Variants in PODN observed in about 807,000 individuals in gnomAD.
PODN encodes the protein podocan proteoglycan.
In PODN, 40 loss-of-function variants were observed where a neutral mutation model predicts 52.7. The ratio of observed to expected loss-of-function variants is 0.76; its 90% CI spans 0.59 to 0.99. The LOEUF (loss-of-function observed/expected upper bound fraction) is 0.99, where lower values mean the gene tolerates loss of function less well. Ranked by LOEUF, PODN falls within the 50% of genes least tolerant of loss-of-function variation. PODN has a pLI of 0.00. For missense variants in PODN, 720 were observed against 815.1 expected (o/e 0.88, Z 1.42); for synonymous variants, 396 against 377.9 (o/e 1.05, Z -0.56).
At chr1:53,079,242 G>T (rs575584995) in intron 8 of PODN, among the ~76,000 whole-genome samples, 1 of 152,252 alleles carries the variant, frequency 6.6e-6, no homozygotes, top group Non-Finnish European at 1.5e-5. Flanking sequence ...CAGGCAGAGG[G>T]TGTGGCTGGC....
chr1:53,075,566 T>G (rs546341560), intron 4 of PODN, among the ~76,000 whole-genome samples: 1 of 152,280 alleles, frequency 6.6e-6, no homozygotes, highest in East Asian at 1.9e-4. Flanking sequence ...TTGGCTAAGA[T>G]CAGGTGTAAA....
intron 10 of PODN, among the ~76,000 whole-genome samples, chr1:53,084,157 G>A (rs1644330746): frequency 6.6e-6 from 1 of 152,000 alleles, no homozygotes; most frequent in Admixed American, 6.5e-5. Context: ...CTGGTTCTCT[G>A]AGGTGTTGTC....
rs779910991 is a variant in PODN at position 53,077,251 on chromosome 1, G to A, written c.643G>A (p.Gly215Ser). ...DAGLPDNMFN[G>S]SSNVEVLILS... ...CGGGCTGCCGGACAACATGTTCAACGGCTCCAGCAACGTCGAGGTCCTCAT... is the reference window on the plus strand; with the variant it reads ...CGGGCTGCCGGACAACATGTTCAACAGCTCCAGCAACGTCGAGGTCCTCAT... Residue 215 changes from glycine to serine, a missense_variant, in exon 6 of 11, where the codon GGC becomes AGC. Transcript: ENST00000312553. 7.4e-6 allele frequency: 12 copies of A among 1,613,354 alleles called. No individual in the cohort carries two copies. Among genetic ancestry groups the A allele is most frequent in the African/African-American group, 1.3e-5 (1 of 74,946 alleles).
intron 1 of PODN, among the ~76,000 whole-genome samples, chr1:53,062,922 A>C (rs113111746): frequency 6.6e-5 from 10 of 152,350 alleles, no homozygotes; most frequent in African/African-American, 2.4e-4. Flanking sequence ...TAAAGGTCTC[A>C]GCTGGCGGTC....
In PODN at chr1:53,077,169, G is replaced by T. The variant is rs1370825436; in HGVS notation, c.582-21G>T. ...GGCCTGGGGAGCCCAGGTGGGTGAG[G>T]ACCTGTGCCTTGACCCCCAGGTCTG... On this transcript the variant is annotated intron_variant, in intron 5 of 10. Coordinates refer to ENST00000312553, the MANE Select transcript of PODN (RefSeq NM_153703.5). The T allele has an allele frequency of 2.5e-6, 4 of 1,611,228 alleles. No individual in the cohort carries two copies. In the African/African-American group the frequency reaches 4.0e-5, roughly 16 times the overall value.
rs111482913 is a variant in PODN at position 53,077,301 on chromosome 1, C to G, written c.693C>G (p.His231Gln). The change falls in exon 6 of 11, where the codon CAC (histidine) becomes CAG (glutamine). Residue 231 changes from histidine (H) to glutamine (Q), a missense_variant. Coordinates refer to ENST00000312553, the MANE Select transcript of PODN (RefSeq NM_153703.5). ...VLILSSNFLR[H>Q]VPKHLPPALY... is the part of the protein sequence containing the mutation. ...TCCTGTCCAGCAACTTCCTGCGCCACGTGCCCAAGCACCTGCCGCCTGCCC... is the reference window on the plus strand; with the variant it reads ...TCCTGTCCAGCAACTTCCTGCGCCAGGTGCCCAAGCACCTGCCGCCTGCCC... The G allele has an allele frequency of 1.5e-4, 241 of 1,613,390 alleles. No homozygotes were observed. The highest frequency in any genetic ancestry group is 2.0e-4 in the Non-Finnish European group (234 of 1,180,018).
intron 3 of PODN, 70 bp downstream of exon 3, chr1:53,071,698 T>C: frequency 6.9e-7 from 1 of 1,448,146 alleles, no homozygotes; most frequent in African/African-American, 1.4e-5. Context: ...CGATGCTGGG[T>C]GCCCAGGGGG....
chr1:53,067,143 G>A (rs1644045716), intron 1 of PODN, among the ~76,000 whole-genome samples: 1 of 152,138 alleles, frequency 6.6e-6, no homozygotes, highest in South Asian at 2.1e-4. Context: ...GGGCTGCTGT[G>A]GGAGCCAGTT....
intron 9 of PODN, among the ~76,000 whole-genome samples, chr1:53,081,286 G>A (rs1557658866): frequency 6.6e-6 from 1 of 152,172 alleles, no homozygotes; most frequent in Non-Finnish European, 1.5e-5. Flanking sequence ...GGAGTGATTC[G>A]GGGGATGCAG....
chr1:53,080,784 A>T lies in PODN; in HGVS notation c.1569A>T (p.Ser523=). 3.7e-6 allele frequency: 6 copies of T among 1,614,124 alleles called. No individual in the cohort carries two copies. The highest frequency in any genetic ancestry group is 5.1e-6 in the Non-Finnish European group (6 of 1,180,022). The stretch of plus-strand genomic sequence containing the variant: ...AGATCCCCGAGGGGCTCCCCGAGTC[A>T]CTTGAGTACCTGTACCTGCAGAACA... The part of the protein sequence containing the change: ...LTEIPEGLPE[S]LEYLYLQNNK... Residue 523 remains serine, a synonymous_variant, in exon 9 of 11, where the codon TCA becomes TCT. Coordinates refer to ENST00000312553, the MANE Select transcript of PODN (RefSeq NM_153703.5).
chr1:53,079,341 A>T (rs1644250361), intron 8 of PODN, among the ~76,000 whole-genome samples: 1 of 152,172 alleles, frequency 6.6e-6, no homozygotes, highest in South Asian at 2.1e-4. Context: ...TCACCTGCAG[A>T]TACAGGTTTG....
chr1:53,068,045 A>C (rs902437318), intron 1 of PODN, among the ~76,000 whole-genome samples: 1 of 152,100 alleles, frequency 6.6e-6, no homozygotes, highest in African/African-American at 2.4e-5. Flanking sequence ...CATGGAACAG[A>C]CAATTAGTGG....
intron 1 of PODN, among the ~76,000 whole-genome samples, chr1:53,068,129 C>T (rs935703521): frequency 2.0e-5 from 3 of 152,118 alleles, no homozygotes; most frequent in African/African-American, 7.2e-5. Context: ...TCAGTCTTCC[C>T]ATAAGGACAG....
At chr1:53,084,275 C>T (rs1429907164) in intron 10 of PODN, among the ~76,000 whole-genome samples, 1 of 151,816 alleles carries the variant, frequency 6.6e-6, no homozygotes, top group Non-Finnish European at 1.5e-5. Flanking sequence ...TCTGCCCCAT[C>T]TCAGGTCAGT....
chr1:53,068,585 T>G (rs4926949), intron 1 of PODN, among the ~76,000 whole-genome samples: 8,453 of 152,288 alleles, frequency 0.056, 280 homozygotes, highest in Middle Eastern at 0.11. Flanking sequence ...CATCTTATCT[T>G]ACTCCACAGA....
chr1:53,084,207 T>A (rs1644331303), intron 10 of PODN, among the ~76,000 whole-genome samples: 1 of 151,482 alleles, frequency 6.6e-6, no homozygotes, highest in African/African-American at 2.4e-5. Flanking sequence ...TGACTGGCCA[T>A]CCAGTGGGGA....
At chr1:53,066,828 G>A (rs563935949) in intron 1 of PODN, 1 of 1,549,408 alleles carries the variant, frequency 6.5e-7, no homozygotes, top group Non-Finnish European at 8.7e-7. Flanking sequence ...GATTTTTACA[G>A]ATACCAAATG....
intron 4 of PODN, among the ~76,000 whole-genome samples, chr1:53,075,450 C>A (rs1429341207): frequency 6.6e-6 from 1 of 152,220 alleles, no homozygotes; most frequent in Non-Finnish European, 1.5e-5. Flanking sequence ...TCAGCTCTTA[C>A]CGCACTGGCC....
intron 3 of PODN, 75 bp downstream of exon 3, chr1:53,071,703 A>T: frequency 1.4e-6 from 2 of 1,415,628 alleles, no homozygotes; most frequent in Admixed American, 1.9e-5. Flanking sequence ...CTGGGTGCCC[A>T]GGGGGAGAGC....
Sources: gnomAD v4.1 joint callset for allele counts (sites outside exome capture counted in the v4.1 genomes callset) on GRCh38, gnomAD v4.1.1 for gene constraint, MANE v1.5 for transcripts, NCBI Gene and HGNC (gene_info 2026-07-23, HGNC 2026-07-21) for gene names.